USH2A: variants seen among roughly 807,000 people sequenced by gnomAD.
USH2A encodes usherin.
A neutral mutation model predicts 538.9 loss-of-function variants in USH2A; 443 were observed. The ratio of observed to expected loss-of-function variants is 0.82; its 90% CI spans 0.76 to 0.89. The LOEUF (loss-of-function observed/expected upper bound fraction) is 0.89, where lower values mean the gene tolerates loss of function less well. Among genes scored for constraint, USH2A ranks in the 40% least tolerant of loss-of-function variants. The pLI is 0.00. For synonymous variants in USH2A, 2,413 were observed against 2,273.5 expected (o/e 1.06, Z -1.75); for missense variants, 6,633 against 6,324.8 (o/e 1.05, Z -1.65).
intron 61 of USH2A, among the ~76,000 whole-genome samples, chr1:215,707,220 A>T (rs1298691350): frequency 6.6e-6 from 1 of 152,212 alleles, no homozygotes; most frequent in Non-Finnish European, 1.5e-5. Context: ...GGCAGAAATG[A>T]TCTGCTGTCT....
At chr1:216,159,948 G>A (rs74141513) in intron 21 of USH2A, among the ~76,000 whole-genome samples, 5,813 of 152,006 alleles carry the variant, frequency 0.038, 334 homozygotes, top group African/African-American at 0.13. Flanking sequence ...AGGTTTTAGC[G>A]TAGTGCTGTT....
At chr1:216,147,071 C>T (rs2033720813) in intron 21 of USH2A, among the ~76,000 whole-genome samples, 1 of 152,154 alleles carries the variant, frequency 6.6e-6, no homozygotes. Context: ...TTTTACACAT[C>T]AGTCCCTTCC....
At chr1:215,883,604 A>G in intron 41 of USH2A, among the ~76,000 whole-genome samples, 1 of 152,082 alleles carries the variant, frequency 6.6e-6, no homozygotes, top group East Asian at 1.9e-4. Flanking sequence ...TTTTTTCCGT[A>G]CACATTGATA....
chr1:215,918,092 A>C (rs1434298312), intron 38 of USH2A, among the ~76,000 whole-genome samples: 3 of 152,134 alleles, frequency 2.0e-5, no homozygotes, highest in Non-Finnish European at 2.9e-5. Context: ...AAATTAAGTG[A>C]TCTTTGAATA....
intron 52 of USH2A, among the ~76,000 whole-genome samples, 199 bp from the exon 53 acceptor site, chr1:215,783,134 C>A (rs868195752): frequency 3.3e-5 from 5 of 151,754 alleles, no homozygotes; most frequent in African/African-American, 1.2e-4. Context: ...TGCAGGGATA[C>A]GGAATTGCAC....
chr1:215,640,547 C>A lies in USH2A; in HGVS notation c.14968+11G>T. On this transcript the variant is annotated intron_variant, in intron 68 of 71. Transcript: ENST00000307340. ...GCCTTCCACACTGAGAAACAGGAGT[C>A]AGAAACTAACTTTTGTCCGCCGTTC... 1.2e-6 allele frequency: 2 copies of A among 1,613,348 alleles called. No individual in the cohort carries two copies. Among genetic ancestry groups the A allele is most frequent in the South Asian group, 1.1e-5 (1 of 90,978 alleles).
At chr1:216,282,059 C>G (rs2036793569) in intron 11 of USH2A, among the ~76,000 whole-genome samples, 1 of 151,834 alleles carries the variant, frequency 6.6e-6, no homozygotes, top group South Asian at 2.1e-4. Context: ...AGTTATTTGT[C>G]TTTTGATTAT....
chr1:215,739,668 T>G (rs1660248301), intron 60 of USH2A, among the ~76,000 whole-genome samples: 1 of 152,264 alleles, frequency 6.6e-6, no homozygotes, highest in Non-Finnish European at 1.5e-5. Context: ...ATCAGAAATA[T>G]TATTCTTCAA....
chr1:216,083,609 A>G, intron 25 of USH2A, 23 bp from the exon 26 acceptor site: 1 of 1,609,828 alleles, frequency 6.2e-7, no homozygotes, highest in Non-Finnish European at 8.5e-7. Context: ...AAATATGTAC[A>G]TATTAGCATG....
At chr1:216,164,644 A>G (rs1333857952) in intron 21 of USH2A, among the ~76,000 whole-genome samples, 1 of 152,182 alleles carries the variant, frequency 6.6e-6, no homozygotes, top group African/African-American at 2.4e-5. Context: ...GGAAGAAGAA[A>G]GGTAACAATG....
intron 26 of USH2A, among the ~76,000 whole-genome samples, chr1:216,082,894 C>G (rs1218621390): frequency 3.3e-5 from 5 of 151,944 alleles, no homozygotes; most frequent in South Asian, 4.1e-4. Flanking sequence ...ATTTCAAAAG[C>G]AAGAATTTGT....
chr1:216,201,690 TGGG>T, intron 16 of USH2A: 1 of 207,006 alleles, frequency 4.8e-6, no homozygotes, highest in Non-Finnish European at 1.1e-5. Flanking sequence ...GCTGGTGTTG[TGGG>T]GGGCACCTTG....
intron 38 of USH2A, among the ~76,000 whole-genome samples, chr1:215,919,067 T>C (rs1314153014): frequency 6.6e-6 from 1 of 152,084 alleles, no homozygotes. Flanking sequence ...AATCAATACA[T>C]AGCTTTGTCC....
At chr1:215,654,717 G>A (rs1451025282) in intron 64 of USH2A, among the ~76,000 whole-genome samples, 1 of 152,118 alleles carries the variant, frequency 6.6e-6, no homozygotes, top group African/African-American at 2.4e-5. Flanking sequence ...CACAAATTCT[G>A]TAATTAACTA....
intron 9 of USH2A, among the ~76,000 whole-genome samples, chr1:216,311,326 C>T (rs1267099688): frequency 6.6e-6 from 1 of 152,088 alleles, no homozygotes; most frequent in Non-Finnish European, 1.5e-5. Flanking sequence ...TGGTTGTTTA[C>T]CTCAATCTTA....
intron 30 of USH2A, among the ~76,000 whole-genome samples, chr1:216,068,160 C>T (rs2031441670): frequency 6.6e-6 from 1 of 152,252 alleles, no homozygotes; most frequent in South Asian, 2.1e-4. Context: ...CCTATGTAAA[C>T]ATGGCAGTTT....
chr1:216,382,924 T>C (rs540009851), intron 3 of USH2A, among the ~76,000 whole-genome samples: 1 of 152,036 alleles, frequency 6.6e-6, no homozygotes, highest in Non-Finnish European at 1.5e-5. Context: ...ATAATGAAAA[T>C]ATAAACTCAA....
At chr1:216,004,777 G>GA (rs989621862) in intron 32 of USH2A, among the ~76,000 whole-genome samples, 3 of 152,062 alleles carry the variant, frequency 2.0e-5, no homozygotes, top group Non-Finnish European at 4.4e-5. Context: ...GGATGAAAGA[G>GA]AAAAAAATTG....
chr1:215,788,053 GTATC>G (rs1283780956), intron 51 of USH2A, among the ~76,000 whole-genome samples: 1 of 152,022 alleles, frequency 6.6e-6, no homozygotes, highest in African/African-American at 2.4e-5. Flanking sequence ...GTATGTGTGT[GTATC>G]TATCTATCTA....
Sources: gnomAD v4.1 joint callset for allele counts (sites outside exome capture counted in the v4.1 genomes callset) on GRCh38, gnomAD v4.1.1 for gene constraint, MANE v1.5 for transcripts, NCBI Gene and HGNC (gene_info 2026-07-23, HGNC 2026-07-21) for gene names.